The following ZMYND8 variants were observed in gnomAD, a reference collection of about 807,000 sequenced individuals.
The protein encoded by ZMYND8 is MYND-type zinc finger-containing chromatin reader ZMYND8.
Under a neutral mutation model 140.8 loss-of-function variants are expected in ZMYND8, and 37 were observed. The ratio of observed to expected loss-of-function variants is 0.26; its 90% CI spans 0.20 to 0.35. The LOEUF is 0.35. Ranked by LOEUF, ZMYND8 falls within the 10% of genes least tolerant of loss-of-function variation. The pLI, the probability that ZMYND8 is intolerant of heterozygous loss-of-function variation, is 1.00. For synonymous variants in ZMYND8, 592 were observed against 597.1 expected, an observed-to-expected ratio of 0.99 and a Z score of 0.12; for missense variants, 1,068 against 1,570.0, an observed-to-expected ratio of 0.68 and a Z score of 5.40.
In ZMYND8 at chr20:47,238,818, G is replaced by A; in HGVS notation, c.2605C>T (p.Gln869Ter). The A allele has an allele frequency of 6.2e-7, 1 of 1,613,144 alleles. No individual in the cohort carries two copies. The highest frequency in any genetic ancestry group is 8.5e-7 in the Non-Finnish European group (1 of 1,180,018). ...RQQQQQQQQN[Q>*]QQQPQSSQGT... ...TGGGAAGACTGAGGCTGCTGCTGCT[G>A]GTTTTGCTGCTGCTGCTGCTGCTGC... The change falls in exon 15 of 23, where the codon CAG (glutamine) becomes TAG (stop). Residue 869 changes from glutamine (Q) to a stop codon, truncating the protein, a stop_gained. Coordinates refer to ENST00000471951, the MANE Select transcript of ZMYND8 (RefSeq NM_001281775.3). LOFTEE classifies it high-confidence loss of function.
intron 15 of ZMYND8, 152 bp from the exon 16 acceptor site, chr20:47,236,668 G>T (rs1451722224): frequency 2.5e-6 from 2 of 790,960 alleles, no homozygotes; most frequent in African/African-American, 1.8e-5. Context: ...CTCTATCCAG[G>T]TTTCTCAACT....
intron 12 of ZMYND8, among the ~76,000 whole-genome samples, chr20:47,255,748 A>G (rs1186547140): frequency 0.026 from 2,476 of 95,142 alleles, 120 homozygotes; most frequent in South Asian, 0.041. Context: ...ATATATATAT[A>G]TATATATATA....
At chr20:47,294,090 G>A (rs750556344) in intron 5 of ZMYND8, among the ~76,000 whole-genome samples, 6 of 152,098 alleles carry the variant, frequency 3.9e-5, no homozygotes, top group Admixed American at 6.6e-5. Context: ...GCTCATGCCT[G>A]TAATCCCACC....
At chr20:47,354,232 G>C (rs2083032990) in intron 1 of ZMYND8, 1 of 152,120 alleles carries the variant, frequency 6.6e-6, no homozygotes, top group Non-Finnish European at 1.5e-5. Flanking sequence ...AACAGATCTT[G>C]GCTCTCCAAA....
chr20:47,262,281 G>T lies in ZMYND8; in HGVS notation c.1621+7C>A. 6.2e-7 allele frequency: 1 copy of T among 1,614,030 alleles called. No homozygotes were observed. Among genetic ancestry groups the T allele is most frequent in the South Asian group, 1.1e-5 (1 of 91,048 alleles). On this transcript the variant is annotated splice_region_variant and intron_variant, in intron 12 of 22. Coordinates refer to ENST00000471951, the MANE Select transcript of ZMYND8 (RefSeq NM_001281775.3). ...ACAGAAAGATACTGGCAAAAATTCT[G>T]ACTGACCCAGGTTAAGATTCAGGAT...
Position 47,220,382 on chromosome 20 carries a change from C to T in ZMYND8, c.3418-58G>A, listed in dbSNP as rs564007363. The T allele has an allele frequency of 3.0e-6, 4 of 1,328,754 alleles. No homozygotes were observed. The South Asian group carries it at 5.0e-5, about 17-fold the overall frequency. The allele number at this position is 1,328,754 out of a possible 1,614,324, so 82.3% of individuals were successfully genotyped here. On this transcript the variant is annotated intron_variant, in intron 20 of 22. Transcript: ENST00000471951. ...GGCACTGAGGCTACTGTCGCCCCCA[C>T]AGGGAAATCCAGGGAGTCATGGGGG... is the stretch of plus-strand genomic sequence containing the variant.
intron 14 of ZMYND8, among the ~76,000 whole-genome samples, chr20:47,240,844 G>A (rs559074962): frequency 6.6e-5 from 10 of 151,782 alleles, no homozygotes; most frequent in South Asian, 4.2e-4. Context: ...GTGAGCCAAC[G>A]TGCCCGGCCT....
Position 47,238,873 on chromosome 20 carries a change from T to C in ZMYND8, c.2550A>G (p.Gln850=). Residue 850 remains glutamine, a synonymous_variant, in exon 15 of 23, where the codon CAA becomes CAG. Coordinates refer to ENST00000471951, the MANE Select transcript of ZMYND8 (RefSeq NM_001281775.3). ...GCTGCATCTTCTGCATGTGCCACTTTTGGGAGGACGTTTGAAACTTACTTG... is the reference window on the plus strand; with the variant it reads ...GCTGCATCTTCTGCATGTGCCACTTCTGGGAGGACGTTTGAAACTTACTTG... ...NSSSKFQTSS[Q]KWHMQKMQRQ... 6.2e-7 allele frequency: 1 copy of C among 1,613,678 alleles called. No individual in the cohort carries two copies. Among genetic ancestry groups the C allele is most frequent in the South Asian group, 1.1e-5 (1 of 91,086 alleles).
At chr20:47,296,550 A>G (rs1287923733) in intron 4 of ZMYND8, among the ~76,000 whole-genome samples, 1 of 152,170 alleles carries the variant, frequency 6.6e-6, no homozygotes, top group Non-Finnish European at 1.5e-5. Flanking sequence ...ATGAGATGGA[A>G]AGAGTCTGGC....
intron 1 of ZMYND8, chr20:47,356,366 C>A (rs747954366): frequency 6.2e-5 from 87 of 1,411,094 alleles, no homozygotes; most frequent in Middle Eastern, 3.9e-4. Flanking sequence ...AAAAAAGCTT[C>A]TTTTTTGGCA....
intron 2 of ZMYND8, among the ~76,000 whole-genome samples, chr20:47,332,172 A>G (rs2081009603): frequency 6.6e-6 from 1 of 152,190 alleles, no homozygotes; most frequent in Admixed American, 6.5e-5. Flanking sequence ...TTAGCCGAGC[A>G]TGGTGACGTG....
intron 11 of ZMYND8, among the ~76,000 whole-genome samples, chr20:47,271,313 C>CA (rs1445190567): frequency 1.4e-4 from 21 of 152,118 alleles, no homozygotes; most frequent in Non-Finnish European, 2.9e-4. Flanking sequence ...TGCATGCTAG[C>CA]ATTTGCCCTA....
intron 1 of ZMYND8, 100 bp downstream of exon 1, chr20:47,356,557 G>T: frequency 6.2e-7 from 1 of 1,613,650 alleles, no homozygotes; most frequent in East Asian, 2.2e-5. Flanking sequence ...CTCTGGGGGT[G>T]AGTGTGGCAC....
chr20:47,227,147 C>A, intron 18 of ZMYND8, 56 bp downstream of exon 18: 1 of 1,569,866 alleles, frequency 6.4e-7, no homozygotes, highest in Non-Finnish European at 8.8e-7. Context: ...TCCAGAGGTG[C>A]AAAGAAGTTC....
chr20:47,343,860 G>C (rs1360271827), intron 2 of ZMYND8, among the ~76,000 whole-genome samples: 2 of 151,986 alleles, frequency 1.3e-5, no homozygotes, highest in Non-Finnish European at 2.9e-5. Flanking sequence ...CACTCCTTAA[G>C]TGTGGGTGAT....
chr20:47,221,514 G>A (rs781376036), intron 19 of ZMYND8, 40 bp from the exon 20 acceptor site: 1 of 1,597,662 alleles, frequency 6.3e-7, no homozygotes. Flanking sequence ...CATATACACA[G>A]AGTACGATGA....
At chr20:47,278,625 C>T (rs2076402130) in intron 10 of ZMYND8, among the ~76,000 whole-genome samples, 1 of 151,992 alleles carries the variant, frequency 6.6e-6, no homozygotes, top group Admixed American at 6.6e-5. Flanking sequence ...CTCGGTGACA[C>T]CAGATCGTAA....
intron 1 of ZMYND8, chr20:47,350,032 T>C: frequency 6.9e-7 from 1 of 1,455,868 alleles, no homozygotes; most frequent in Non-Finnish European, 9.0e-7. Flanking sequence ...GGTGGCTATT[T>C]GCTTCTGAGT....
chr20:47,275,087 A>G lies in ZMYND8; in HGVS notation c.1480+1227T>C, dbSNP rs2076178185. ...CCAGAAGCCTAAAGCTGGTACTCCA[A>G]CCTGCTTTATTCATTCTAGAAAATC... On this transcript the variant is annotated intron_variant, in intron 11 of 22. Transcript: ENST00000471951. 3.3e-5 allele frequency among the ~76,000 whole-genome samples: 5 copies of G among 152,328 alleles called. No individual in the cohort carries two copies. The South Asian group carries it at 1.0e-3, about 32-fold the overall frequency.
Sources: gnomAD v4.1 joint callset for allele counts (sites outside exome capture counted in the v4.1 genomes callset) on GRCh38, gnomAD v4.1.1 for gene constraint, MANE v1.5 for transcripts, NCBI Gene and HGNC (gene_info 2026-07-23, HGNC 2026-07-21) for gene names.